Variants in WLS observed in about 807,000 individuals in gnomAD.
The protein encoded by WLS is protein wntless homolog.
In WLS, 23 loss-of-function variants were observed where a neutral mutation model predicts 62.8. That is an observed-to-expected ratio of 0.37 (90% CI 0.26 to 0.52). The LOEUF (loss-of-function observed/expected upper bound fraction) is 0.52, where lower values mean the gene tolerates loss of function less well. WLS is among the 20% of genes least tolerant of loss of function. WLS has a pLI of 0.92. For synonymous variants in WLS, 246 were observed against 244.1 expected (o/e 1.01, Z -0.07); for missense variants, 615 against 697.3 (o/e 0.88, Z 1.33).
intron 11 of WLS, among the ~76,000 whole-genome samples, chr1:68,106,716 CTGTGTG>C (rs59601112): frequency 0.012 from 1,826 of 146,806 alleles, 21 homozygotes; most frequent in Middle Eastern, 0.035. Flanking sequence ...GTGTTTGTCA[CTGTGTG>C]TGTGTGTGTG....
At chr1:68,165,658 C>T (rs1266055332) in intron 2 of WLS, among the ~76,000 whole-genome samples, 1 of 152,150 alleles carries the variant, frequency 6.6e-6, no homozygotes, top group African/African-American at 2.4e-5. Flanking sequence ...AGGCCCCTCT[C>T]TTTATGGGAT....
intron 2 of WLS, among the ~76,000 whole-genome samples, chr1:68,185,782 C>T (rs4655577): frequency 0.21 from 32,605 of 152,084 alleles, 3,604 homozygotes; most frequent in East Asian, 0.37. Flanking sequence ...TGCCATGCTC[C>T]GGGAACCTCT....
chr1:68,108,410 A>C (rs545392260), intron 11 of WLS, among the ~76,000 whole-genome samples: 277 of 152,340 alleles, frequency 1.8e-3, no homozygotes, highest in African/African-American at 6.4e-3. Flanking sequence ...CCTAAAATCC[A>C]AATGAAGTCA....
chr1:68,202,727 T>C (rs952589128), intron 1 of WLS: 4 of 152,158 alleles, frequency 2.6e-5, no homozygotes, highest in African/African-American at 9.7e-5. Flanking sequence ...AGACCACCTG[T>C]GGAAAGTGAA....
intron 2 of WLS, among the ~76,000 whole-genome samples, chr1:68,186,917 ATAGT>A (rs1030405352): frequency 1.3e-5 from 2 of 152,186 alleles, no homozygotes; most frequent in African/African-American, 2.4e-5. Context: ...TTCTCATATA[ATAGT>A]TAGCAGCTGG....
chr1:68,183,438 T>C (rs966546391), intron 2 of WLS: 6 of 433,136 alleles, frequency 1.4e-5, no homozygotes, highest in Non-Finnish European at 2.4e-5. Context: ...GGGATAGTTC[T>C]TATAGTGTAT....
At chr1:68,224,704 A>G (rs1252800339) in intron 1 of WLS, among the ~76,000 whole-genome samples, 1 of 152,116 alleles carries the variant, frequency 6.6e-6, no homozygotes, top group Non-Finnish European at 1.5e-5. Flanking sequence ...AGGAAGTAAT[A>G]GGCCAATGAT....
At chr1:68,182,801 A>AT (rs1647665484) in intron 2 of WLS, among the ~76,000 whole-genome samples, 1 of 152,158 alleles carries the variant, frequency 6.6e-6, no homozygotes, top group South Asian at 2.1e-4. Flanking sequence ...TGAAGTTTTT[A>AT]TTTCTGCTTG....
rs982982437 is a variant in WLS at position 68,193,125 on chromosome 1, G to T, written c.379+830C>A. ...ACTCTGTTTCAAAAAAAAAAGAAAA[G>T]AAAAGAAAAGAAAAAGAAATAATGT... On this transcript the variant is annotated intron_variant, in intron 2 of 11. Coordinates refer to ENST00000262348, the MANE Select transcript of WLS (RefSeq NM_024911.7). Among the ~76,000 whole-genome samples, 6 of 150,886 alleles carry T rather than the reference G, an allele frequency of 4.0e-5. No homozygotes were observed. The East Asian group carries it at 1.2e-3, about 29-fold the overall frequency.
intron 1 of WLS, among the ~76,000 whole-genome samples, chr1:68,229,078 AAG>A (rs988134419): frequency 1.3e-5 from 2 of 152,076 alleles, no homozygotes; most frequent in Non-Finnish European, 2.9e-5. Flanking sequence ...TAAGTACTGA[AAG>A]AGTTACACAA....
chr1:68,163,151 G>A (rs746293981), intron 2 of WLS: 57 of 1,093,904 alleles, frequency 5.2e-5, no homozygotes, highest in Non-Finnish European at 7.6e-5. Context: ...AGAACTTAGG[G>A]GAACTCGCAG....
chr1:68,109,856 G>T (rs1482483719), intron 11 of WLS, among the ~76,000 whole-genome samples: 2 of 151,944 alleles, frequency 1.3e-5, no homozygotes, highest in East Asian at 1.9e-4. Flanking sequence ...GGCAAAATAT[G>T]AGATGAGATA....
chr1:68,111,454 G>A (rs760950348), intron 11 of WLS, among the ~76,000 whole-genome samples: 1 of 152,240 alleles, frequency 6.6e-6, no homozygotes, highest in Admixed American at 6.5e-5. Flanking sequence ...GTAGAGAGAA[G>A]GGCTGCTCGG....
intron 11 of WLS, among the ~76,000 whole-genome samples, chr1:68,108,325 CAT>C (rs1483536278): frequency 6.6e-6 from 1 of 152,182 alleles, no homozygotes; most frequent in Non-Finnish European, 1.5e-5. Flanking sequence ...TAACTCATTT[CAT>C]TTCTCAGATT....
chr1:68,148,321 C>T, intron 7 of WLS, 122 bp from the exon 8 acceptor site: 2 of 1,072,340 alleles, frequency 1.9e-6, no homozygotes, highest in Non-Finnish European at 2.8e-6. Flanking sequence ...GGCTAAAAAA[C>T]ATTACAGAAA....
chr1:68,203,095 C>G (rs1649111933), intron 1 of WLS: 1 of 152,108 alleles, frequency 6.6e-6, no homozygotes, highest in African/African-American at 2.4e-5. Flanking sequence ...TACATATATT[C>G]TTTTATCAAT....
intron 10 of WLS, among the ~76,000 whole-genome samples, chr1:68,140,726 T>C (rs1224307649): frequency 6.6e-6 from 1 of 152,216 alleles, no homozygotes; most frequent in Non-Finnish European, 1.5e-5. Context: ...AGAGTTGAAC[T>C]GCAGAAATAA....
At chr1:68,178,705 C>CAAAAAAAAAAA (rs376126398) in intron 2 of WLS, among the ~76,000 whole-genome samples, 3 of 108,218 alleles carry the variant, frequency 2.8e-5, no homozygotes, top group African/African-American at 3.2e-5. Context: ...GACTACATTT[C>CAAAAAAAAAAA]AAAAAAAAAA....
At chr1:68,149,762 C>A (rs1305966143) in intron 6 of WLS, among the ~76,000 whole-genome samples, 1 of 152,176 alleles carries the variant, frequency 6.6e-6, no homozygotes. Flanking sequence ...GGCCCACATT[C>A]TCTGATGGTT....
Sources: allele counts gnomAD v4.1 joint callset (sites outside exome capture counted in the v4.1 genomes callset), GRCh38; gene constraint gnomAD v4.1.1; transcripts MANE v1.5; gene names NCBI Gene and HGNC (gene_info 2026-07-23, HGNC 2026-07-21).